Variants in LRRC2 observed in about 807,000 individuals in gnomAD.
LRRC2 encodes leucine rich repeat containing 2, also known as leucine-rich repeat-containing protein 2.
In LRRC2, 27 loss-of-function variants were observed where a neutral mutation model predicts 40.2. The observed-to-expected ratio is 0.67, with a 90% CI of 0.49 to 0.93. LRRC2 has a LOEUF of 0.93. Among genes scored for constraint, LRRC2 ranks in the 40% least tolerant of loss-of-function variants. LRRC2 has a pLI of 0.00. For missense variants in LRRC2, 402 were observed against 439.6 expected (o/e 0.91, Z 0.76); for synonymous variants, 147 against 158.9 (o/e 0.92, Z 0.56).
At chr3:46,553,411 T>C (rs1704708978) in intron 1 of LRRC2, among the ~76,000 whole-genome samples, 1 of 152,232 alleles carries the variant, frequency 6.6e-6, no homozygotes, top group South Asian at 2.1e-4. Flanking sequence ...CAGACACTTC[T>C]ATATAGCAGT....
rs1704080673 is a variant in LRRC2, at chr3:46,527,456, GT to G, written c.898del (p.Thr300LeufsTer10). 3.7e-6 allele frequency: 6 copies of G among 1,613,954 alleles called. No homozygotes were observed. The highest frequency in any genetic ancestry group is 5.1e-6 in the Non-Finnish European group (6 of 1,179,872). On this transcript the variant is annotated frameshift_variant, in exon 7 of 9. Coordinates refer to ENST00000395905, the MANE Select transcript of LRRC2 (RefSeq NM_024512.5). LOFTEE classifies it high-confidence loss of function. ...AGGTGTGGATGAGTCACAAAGGGCAGTTGGGAGCTCCACCAAATGGTCCCCA... is the reference window on the plus strand; with the variant it reads ...AGGTGTGGATGAGTCACAAAGGGCAGTGGGAGCTCCACCAAATGGTCCCCA... The part of the protein sequence containing the change: ...VSGDHLVELP[T>X]ALCDSSTPLK...
At chr3:46,521,010 AC>A (rs1003272145) in intron 8 of LRRC2, among the ~76,000 whole-genome samples, 2 of 151,454 alleles carry the variant, frequency 1.3e-5, no homozygotes, top group Non-Finnish European at 2.9e-5. Context: ...GAGGTACTTG[AC>A]CCCCCTCGCC....
chr3:46,549,632 C>T (rs1411834167), intron 2 of LRRC2, among the ~76,000 whole-genome samples: 2 of 152,182 alleles, frequency 1.3e-5, no homozygotes, highest in Admixed American at 6.5e-5. Flanking sequence ...ACATGAGATG[C>T]GTGAAGCTGT....
intron 1 of LRRC2, chr3:46,558,694 A>G (rs1219187154): frequency 2.0e-5 from 3 of 152,130 alleles, no homozygotes; most frequent in Admixed American, 2.0e-4. Context: ...TCTGGCCAAA[A>G]ACTTGGTGTT....
At chr3:46,521,477 C>A (rs745527962) in intron 8 of LRRC2, 45 bp downstream of exon 8, 1 of 1,433,182 alleles carries the variant, frequency 7.0e-7, no homozygotes, top group South Asian at 1.3e-5. Flanking sequence ...CATAAGTGGA[C>A]GTCTGTACAC....
chr3:46,530,812 C>T (rs576041572), intron 5 of LRRC2, among the ~76,000 whole-genome samples: 3 of 152,174 alleles, frequency 2.0e-5, no homozygotes, highest in African/African-American at 7.2e-5. Flanking sequence ...CCACCAGGTC[C>T]CTCCCACAAC....
rs753126949 is a variant in LRRC2, at chr3:46,539,057, G to A, written c.478C>T (p.Pro160Ser). Residue 160 changes from proline (P) to serine (S), a missense_variant, in exon 4 of 9, where the codon CCA becomes TCA. Coordinates refer to ENST00000395905, the MANE Select transcript of LRRC2 (RefSeq NM_024512.5). ...DLPKNQISHL[P>S]AEIGCLKNLK... ...TAAGTTGACATACCGATTTCTGCTGGAAGATGTGAGATTTGGTTTTTTGGC... is the reference window on the plus strand; with the variant it reads ...TAAGTTGACATACCGATTTCTGCTGAAAGATGTGAGATTTGGTTTTTTGGC... 3.1e-6 allele frequency: 5 copies of A among 1,613,588 alleles called. No homozygotes were observed. The highest frequency in any genetic ancestry group is 2.7e-5 in the African/African-American group (2 of 74,892).
At chr3:46,522,132 T>C (rs887356398) in intron 7 of LRRC2, among the ~76,000 whole-genome samples, 1 of 152,086 alleles carries the variant, frequency 6.6e-6, no homozygotes, top group African/African-American at 2.4e-5. Context: ...CCCAGCACTT[T>C]GGGAGGCTGA....
At chr3:46,547,354 A>G (rs539485088) in intron 2 of LRRC2, among the ~76,000 whole-genome samples, 33 of 152,298 alleles carry the variant, frequency 2.2e-4, no homozygotes, top group Admixed American at 1.3e-4. Context: ...CTACATATGA[A>G]GTCTATAAGT....
At chr3:46,554,013 T>A (rs1414360640) in intron 1 of LRRC2, among the ~76,000 whole-genome samples, 1 of 151,290 alleles carries the variant, frequency 6.6e-6, no homozygotes, top group Non-Finnish European at 1.5e-5. Flanking sequence ...GTTGTTGTTG[T>A]TGTTTTTTTG....
intron 7 of LRRC2, 130 bp downstream of exon 7, chr3:46,527,296 T>G: frequency 2.2e-6 from 2 of 928,158 alleles, no homozygotes; most frequent in Non-Finnish European, 3.3e-6. Context: ...AGAACTTCTG[T>G]GAGTTGGGAT....
chr3:46,550,377 C>CCT (rs1553613799), intron 2 of LRRC2, among the ~76,000 whole-genome samples: 1 of 84,006 alleles, frequency 1.2e-5, no homozygotes, highest in Non-Finnish European at 2.2e-5. Context: ...CCTTACACAT[C>CCT]TTTTTTTTTT....
rs1314969178 is a variant in LRRC2, at chr3:46,515,754, T to C, written c.*3260A>G. ...ATAAATTATGAACAGTCTATTTGTA[T>C]GAAAGCCCCTCTTCAGATATATTTT... On this transcript the variant is annotated 3_prime_UTR_variant, in exon 9 of 9. Coordinates refer to ENST00000395905, the MANE Select transcript of LRRC2 (RefSeq NM_024512.5). 2.0e-5 allele frequency: 3 copies of C among 152,164 alleles called. No individual in the cohort carries two copies. The highest frequency in any genetic ancestry group is 2.9e-5 in the Non-Finnish European group (2 of 68,022). The allele number at this position is 152,164 out of a possible 1,614,324, so 9.4% of individuals were successfully genotyped here. A position where few individuals can be genotyped will look rare whatever the true frequency, so the allele number is the denominator to read the frequency against.
rs1037411313 is a variant in LRRC2 at position 46,529,943 on chromosome 3, G to A, written c.735C>T (p.Ser245=). The A allele has an allele frequency of 1.2e-6, 2 of 1,614,112 alleles. No homozygotes were observed. Among genetic ancestry groups the A allele is most frequent in the Non-Finnish European group, 1.7e-6 (2 of 1,180,016 alleles). The change falls in exon 6 of 9, where the codon AGC becomes AGT. Residue 245 remains serine, a synonymous_variant. Coordinates refer to ENST00000395905, the MANE Select transcript of LRRC2 (RefSeq NM_024512.5). ...RMSNLQWLDI[S]SNNLTDLPQD... is the part of the protein sequence containing the mutation. ...GCGGCAGGTCGGTCAGGTTATTGCT[G>A]CTGATATCCAACCACTGCAAATTCG...
rs1474358707 is a variant in LRRC2 at position 46,515,944 on chromosome 3, C to G, written c.*3070G>C. ...TTTCTCATTTTCCTACTCTTTTCAT[C>G]TCTCTCTCTTTTTTTTTTTTTTTTT... On this transcript the variant is annotated 3_prime_UTR_variant, in exon 9 of 9. Transcript: ENST00000395905. 1.5e-5 allele frequency: 2 copies of G among 136,742 alleles called. No individual in the cohort carries two copies. Among genetic ancestry groups the G allele is most frequent in the Non-Finnish European group, 3.2e-5 (2 of 63,134 alleles). 8.5% of individuals were successfully genotyped at this position (136,742 alleles called of 1,614,324 possible).
rs139748444 is a variant in LRRC2, at chr3:46,533,799, G to GTTTCTTTC, written c.491-898_491-891dup. ...CTTTTCTTTCTTTCTTTCTTTCTTT[G>GTTTCTTTC]TTTCTTTCTTTCTTTCTTTTTCTTT... On this transcript the variant is annotated intron_variant, in intron 4 of 8. Coordinates refer to ENST00000395905, the MANE Select transcript of LRRC2 (RefSeq NM_024512.5). 1.2e-4 allele frequency among the ~76,000 whole-genome samples: 7 copies of GTTTCTTTC among 60,822 alleles called. No individual in the cohort carries two copies. The South Asian group carries it at 3.8e-3, about 33-fold the overall frequency. 39.9% of individuals were successfully genotyped at this position (60,822 alleles called of 152,430 possible).
chr3:46,532,333 G>A (rs957090623), intron 5 of LRRC2, among the ~76,000 whole-genome samples: 1 of 152,104 alleles, frequency 6.6e-6, no homozygotes, highest in Non-Finnish European at 1.5e-5. Flanking sequence ...GGGCAGGTGC[G>A]GTGGCTCACA....
intron 1 of LRRC2, among the ~76,000 whole-genome samples, chr3:46,561,564 G>A (rs2107062864): frequency 6.6e-6 from 1 of 152,040 alleles, no homozygotes; most frequent in East Asian, 1.9e-4. Flanking sequence ...GGAGAGGTTG[G>A]CAGGGGAAGG....
intron 1 of LRRC2, among the ~76,000 whole-genome samples, chr3:46,555,099 A>G (rs56394040): frequency 1.3e-5 from 2 of 151,864 alleles, no homozygotes; most frequent in Non-Finnish European, 2.9e-5. Context: ...TGGTCTTTTT[A>G]TTTATCGTTA....
Sources: allele counts gnomAD v4.1 joint callset (sites outside exome capture counted in the v4.1 genomes callset), GRCh38; gene constraint gnomAD v4.1.1; transcripts MANE v1.5; gene names NCBI Gene and HGNC (gene_info 2026-07-23, HGNC 2026-07-21).